Variants in ZFAND3 observed in about 807,000 individuals in gnomAD.
The protein encoded by ZFAND3 is zinc finger AN1-type containing 3, also known as AN1-type zinc finger protein 3.
A neutral mutation model predicts 29.6 loss-of-function variants in ZFAND3; 10 were observed. The ratio of observed to expected loss-of-function variants is 0.34; its 90% CI spans 0.21 to 0.57. The LOEUF (loss-of-function observed/expected upper bound fraction) is 0.57, where lower values mean the gene tolerates loss of function less well. Ranked by LOEUF, ZFAND3 falls within the 20% of genes least tolerant of loss-of-function variation. ZFAND3 has a pLI of 0.86. For missense variants in ZFAND3, 230 were observed against 304.5 expected, an observed-to-expected ratio of 0.76 and a Z score of 1.82; for synonymous variants, 128 against 112.6, an observed-to-expected ratio of 1.14 and a Z score of -0.87.
At chr6:37,879,691 A>G (rs936281271) in intron 1 of ZFAND3, among the ~76,000 whole-genome samples, 2 of 152,310 alleles carry the variant, frequency 1.3e-5, no homozygotes, top group South Asian at 2.1e-4. Flanking sequence ...CTCAATCTGG[A>G]TGATAGTAAA....
intron 1 of ZFAND3, among the ~76,000 whole-genome samples, chr6:37,831,416 A>G (rs867869320): frequency 2.6e-5 from 4 of 152,320 alleles, no homozygotes; most frequent in Middle Eastern, 3.4e-3. Flanking sequence ...TTTTCCAGCA[A>G]GTGTTAAGCA....
intron 1 of ZFAND3, among the ~76,000 whole-genome samples, chr6:37,924,909 T>C (rs1399581765): frequency 6.6e-6 from 1 of 151,942 alleles, no homozygotes; most frequent in Non-Finnish European, 1.5e-5. Context: ...AGAGACAGCA[T>C]TACAGTGATT....
In ZFAND3 at chr6:37,908,986, A is replaced by C. The variant is rs922995219; in HGVS notation, c.72-20973A>C. Among the ~76,000 whole-genome samples, 7 of 152,254 alleles carry C rather than the reference A, an allele frequency of 4.6e-5. No individual in the cohort carries two copies. The East Asian group carries it at 9.6e-4, about 21-fold the overall frequency. On this transcript the variant is annotated intron_variant, in intron 1 of 5. Coordinates refer to ENST00000287218, the MANE Select transcript of ZFAND3 (RefSeq NM_021943.3). ...TGTGTATTAGTTGAAGACATTTGACATTGTCTCCTTAGGTTTCTGTACTTG... is the reference window on the plus strand; with the variant it reads ...TGTGTATTAGTTGAAGACATTTGACCTTGTCTCCTTAGGTTTCTGTACTTG...
At chr6:38,127,126 A>G (rs1057134995) in intron 5 of ZFAND3, among the ~76,000 whole-genome samples, 1 of 152,138 alleles carries the variant, frequency 6.6e-6, no homozygotes, top group Non-Finnish European at 1.5e-5. Flanking sequence ...CTCCAGCATA[A>G]TGTTGAATAG....
chr6:37,950,569 G>A (rs1761981087), intron 2 of ZFAND3, among the ~76,000 whole-genome samples: 1 of 151,890 alleles, frequency 6.6e-6, no homozygotes, highest in Non-Finnish European at 1.5e-5. Flanking sequence ...TGTGGAGATG[G>A]GGTTTCACCA....
intron 2 of ZFAND3, among the ~76,000 whole-genome samples, chr6:38,029,924 T>C (rs1181533381): frequency 6.6e-6 from 1 of 151,798 alleles, no homozygotes; most frequent in Non-Finnish European, 1.5e-5. Context: ...AAAGTTTATA[T>C]TTGCCTTAAA....
rs181906752 is a variant in ZFAND3 at position 38,044,713 on chromosome 6, A to G, written c.113-16880A>G. On this transcript the variant is annotated intron_variant, in intron 2 of 5. Transcript: ENST00000287218. The stretch of plus-strand genomic sequence containing the variant: ...TTGAGTTTGCACTACAGTGTTTTTC[A>G]CATACAGAGCTAAGCGAAATGGTAA... Among the ~76,000 whole-genome samples the G allele has an allele frequency of 1.1e-4, 17 of 152,334 alleles. No individual in the cohort carries two copies. The East Asian group carries it at 3.3e-3, about 29-fold the overall frequency.
chr6:37,918,850 A>C (rs1012646174), intron 1 of ZFAND3, among the ~76,000 whole-genome samples: 1 of 151,732 alleles, frequency 6.6e-6, no homozygotes, highest in Non-Finnish European at 1.5e-5. Flanking sequence ...CCTTATTGTT[A>C]TCTCTCTTAA....
intron 2 of ZFAND3, among the ~76,000 whole-genome samples, chr6:37,981,514 A>G (rs1762579258): frequency 6.6e-6 from 1 of 152,182 alleles, no homozygotes; most frequent in Non-Finnish European, 1.5e-5. Context: ...ATGGTTAGGT[A>G]GGTGCTTTAG....
chr6:38,054,569 T>A (rs1764097483), intron 2 of ZFAND3, among the ~76,000 whole-genome samples: 1 of 152,130 alleles, frequency 6.6e-6, no homozygotes, highest in Non-Finnish European at 1.5e-5. Flanking sequence ...GTCTGATTTT[T>A]AAAGAGAAGG....
intron 1 of ZFAND3, among the ~76,000 whole-genome samples, chr6:37,908,355 A>T (rs1765447487): frequency 6.6e-6 from 1 of 152,080 alleles, no homozygotes; most frequent in Non-Finnish European, 1.5e-5. Context: ...TTTAATGTAA[A>T]ACGTAAATGT....
chr6:38,005,538 C>T (rs1313887637), intron 2 of ZFAND3, among the ~76,000 whole-genome samples: 1 of 152,186 alleles, frequency 6.6e-6, no homozygotes, highest in Non-Finnish European at 1.5e-5. Context: ...GTAGGATTGA[C>T]AAGCCTTTAT....
At chr6:37,977,370 C>T (rs181568386) in intron 2 of ZFAND3, among the ~76,000 whole-genome samples, 36 of 152,296 alleles carry the variant, frequency 2.4e-4, no homozygotes, top group Non-Finnish European at 4.6e-4. Flanking sequence ...AGCACGATCT[C>T]AGCTGACTGC....
At chr6:37,849,352 C>T (rs1464045234) in intron 1 of ZFAND3, among the ~76,000 whole-genome samples, 1 of 152,162 alleles carries the variant, frequency 6.6e-6, no homozygotes, top group African/African-American at 2.4e-5. Context: ...CTGTCTTCCC[C>T]AGATGAATTG....
At chr6:37,895,016 T>C (rs1036420855) in intron 1 of ZFAND3, among the ~76,000 whole-genome samples, 1 of 152,148 alleles carries the variant, frequency 6.6e-6, no homozygotes, top group Non-Finnish European at 1.5e-5. Context: ...TTTAGTTTTG[T>C]AGAGATTTTT....
At chr6:38,096,441 G>T (rs1764981826) in intron 4 of ZFAND3, among the ~76,000 whole-genome samples, 1 of 152,198 alleles carries the variant, frequency 6.6e-6, no homozygotes, top group African/African-American at 2.4e-5. Context: ...AAAGTGCTGG[G>T]ATTACAGGCG....
At chr6:38,044,296 G>A (rs1037550072) in intron 2 of ZFAND3, among the ~76,000 whole-genome samples, 1 of 151,966 alleles carries the variant, frequency 6.6e-6, no homozygotes, top group Non-Finnish European at 1.5e-5. Flanking sequence ...GCCATGACTA[G>A]TTAATGGAGA....
intron 5 of ZFAND3, among the ~76,000 whole-genome samples, chr6:38,119,699 G>T (rs150132871): frequency 6.6e-6 from 1 of 152,166 alleles, no homozygotes; most frequent in Non-Finnish European, 1.5e-5. Context: ...TGAATCCTCC[G>T]CCCCAGGGCT....
chr6:38,120,267 A>G (rs1464677190), intron 5 of ZFAND3, among the ~76,000 whole-genome samples: 1 of 149,632 alleles, frequency 6.7e-6, no homozygotes, highest in Non-Finnish European at 1.5e-5. Flanking sequence ...TCACAGCCAC[A>G]AGAATGCCGT....
Sources: allele counts gnomAD v4.1 joint callset (sites outside exome capture counted in the v4.1 genomes callset), GRCh38; gene constraint gnomAD v4.1.1; transcripts MANE v1.5; gene names NCBI Gene and HGNC (gene_info 2026-07-23, HGNC 2026-07-21).